Variants in DOCK11 observed in about 807,000 individuals in gnomAD.
DOCK11 encodes dedicator of cytokinesis protein 11.
A neutral mutation model predicts 169.1 loss-of-function variants in DOCK11; 70 were observed. The ratio of observed to expected loss-of-function variants is 0.41; its 90% CI spans 0.34 to 0.51. The LOEUF (loss-of-function observed/expected upper bound fraction) is 0.51, where lower values mean the gene tolerates loss of function less well. Among genes scored for constraint, DOCK11 ranks in the 20% least tolerant of loss-of-function variants. The pLI is 0.10. For missense variants in DOCK11, 1,166 were observed against 1,538.8 expected (o/e 0.76, Z 4.05); for synonymous variants, 529 against 541.3 (o/e 0.98, Z 0.32).
At chrX:118,570,621 T>C (rs770820645) in intron 10 of DOCK11, among the ~76,000 whole-genome samples, 4 of 112,408 alleles carry the variant, frequency 3.6e-5, no homozygotes, top group Non-Finnish European at 7.5e-5. Flanking sequence ...TATCCAGTAT[T>C]CTTCAGGCAT....
chrX:118,597,793 TAAA>T (rs1198293513), intron 21 of DOCK11, among the ~76,000 whole-genome samples: 1 of 111,750 alleles, frequency 8.9e-6, no homozygotes, highest in Non-Finnish European at 1.9e-5. Context: ...TGCATAATTT[TAAA>T]AAATTATTTA....
intron 6 of DOCK11, among the ~76,000 whole-genome samples, chrX:118,558,063 C>T: frequency 9.7e-6 from 1 of 103,418 alleles, no homozygotes; most frequent in Non-Finnish European, 2.0e-5. Context: ...CAGCCTCCGC[C>T]TCCCGGGTAC....
intron 6 of DOCK11, 43 bp from the exon 7 acceptor site, chrX:118,561,340 G>A: frequency 1.8e-6 from 2 of 1,114,117 alleles, no homozygotes; most frequent in Non-Finnish European, 2.4e-6. Flanking sequence ...CAAATGCAAT[G>A]TATATGTAAC....
intron 1 of DOCK11, among the ~76,000 whole-genome samples, chrX:118,504,624 G>A (rs1044449872): frequency 8.9e-6 from 1 of 112,149 alleles, no homozygotes; most frequent in Admixed American, 9.4e-5. Flanking sequence ...GGTACAGCTC[G>A]AGCCATTTCT....
At chrX:118,639,133 A>G (rs1032370377) in intron 37 of DOCK11, among the ~76,000 whole-genome samples, 3 of 110,955 alleles carry the variant, frequency 2.7e-5, no homozygotes, top group African/African-American at 6.6e-5. Context: ...TCTTCTTCCC[A>G]CTCTTGCCCT....
At chrX:118,624,287 A>G (rs889315130) in intron 31 of DOCK11, among the ~76,000 whole-genome samples, 18 of 112,567 alleles carry the variant, frequency 1.6e-4, no homozygotes, top group African/African-American at 3.9e-4. Flanking sequence ...ATTTTTTACA[A>G]AAACCTTTTA....
At chrX:118,556,759 G>GAAA (rs58350422) in intron 6 of DOCK11, among the ~76,000 whole-genome samples, 1 of 81,009 alleles carries the variant, frequency 1.2e-5, no homozygotes, top group African/African-American at 4.6e-5. Flanking sequence ...TCTGTCTCCG[G>GAAA]AAAAAAAAAA....
intron 6 of DOCK11, among the ~76,000 whole-genome samples, chrX:118,554,088 C>T (rs1783982241): frequency 9.0e-6 from 1 of 111,691 alleles, no homozygotes; most frequent in Admixed American, 9.5e-5. Flanking sequence ...TTGCAGCCTC[C>T]AACACCTGGG....
chrX:118,552,395 C>T (rs935328053), intron 6 of DOCK11, among the ~76,000 whole-genome samples: 1 of 111,535 alleles, frequency 9.0e-6, no homozygotes, highest in Non-Finnish European at 1.9e-5. Flanking sequence ...AAAAGAGGGG[C>T]TAGTAGAGGA....
At chrX:118,613,764 G>A (rs1279889329) in intron 28 of DOCK11, among the ~76,000 whole-genome samples, 7 of 112,304 alleles carry the variant, frequency 6.2e-5, no homozygotes, top group Non-Finnish European at 1.1e-4. Context: ...TAAGGCTGTA[G>A]TGCGCTATGA....
intron 46 of DOCK11, among the ~76,000 whole-genome samples, chrX:118,672,566 G>C (rs1189182387): frequency 8.9e-6 from 1 of 112,565 alleles, no homozygotes; most frequent in Non-Finnish European, 1.9e-5. Context: ...CTGAGTAGCT[G>C]GGATTACAGG....
At chrX:118,572,610 T>C (rs1176894769) in intron 11 of DOCK11, 147 bp downstream of exon 11, 1 of 401,904 alleles carries the variant, frequency 2.5e-6, no homozygotes, top group Non-Finnish European at 3.9e-6. Flanking sequence ...AAAATGAAAG[T>C]TTTATATATA....
At chrX:118,526,191 G>A (rs996432944) in intron 1 of DOCK11, among the ~76,000 whole-genome samples, 1 of 112,005 alleles carries the variant, frequency 8.9e-6, no homozygotes, top group Admixed American at 9.5e-5. Context: ...AGCTCCAGTC[G>A]TATGAAAGAT....
intron 14 of DOCK11, among the ~76,000 whole-genome samples, chrX:118,582,919 C>T (rs2013697015): frequency 8.9e-6 from 1 of 111,826 alleles, no homozygotes; most frequent in Non-Finnish European, 1.9e-5. Context: ...CCCAGCAGTC[C>T]CATTACTGGG....
intron 1 of DOCK11, among the ~76,000 whole-genome samples, chrX:118,507,057 T>C (rs1056442204): frequency 1.3e-4 from 15 of 112,753 alleles, no homozygotes; most frequent in African/African-American, 4.8e-4. Flanking sequence ...AATTTGCTAT[T>C]AATGATTTCC....
At chrX:118,590,536 A>C (rs1367749944) in intron 19 of DOCK11, among the ~76,000 whole-genome samples, 1 of 111,716 alleles carries the variant, frequency 9.0e-6, no homozygotes, top group Admixed American at 9.5e-5. Flanking sequence ...CAATGCAGGA[A>C]ACAAACATGA....
intron 1 of DOCK11, 88 bp downstream of exon 1, chrX:118,496,161 G>T: frequency 1.6e-6 from 1 of 622,474 alleles, no homozygotes; most frequent in Non-Finnish European, 2.1e-6. Flanking sequence ...CAGTGCGGCC[G>T]CTTGGTGCGC....
intron 11 of DOCK11, 65 bp from the exon 12 acceptor site, chrX:118,573,741 G>T: frequency 1.1e-6 from 1 of 940,007 alleles, no homozygotes; most frequent in Non-Finnish European, 1.5e-6. Context: ...TTTTGCACTT[G>T]TGCCCCTCCC....
At chrX:118,509,077 C>A (rs1476205787) in intron 1 of DOCK11, among the ~76,000 whole-genome samples, 4 of 111,657 alleles carry the variant, frequency 3.6e-5, no homozygotes, top group Non-Finnish European at 5.7e-5. Flanking sequence ...TTGTCTCACT[C>A]ACTGTATCTC....
Sources: allele counts gnomAD v4.1 joint callset (sites outside exome capture counted in the v4.1 genomes callset), GRCh38; gene constraint gnomAD v4.1.1; transcripts MANE v1.5; gene names NCBI Gene and HGNC (gene_info 2026-07-23, HGNC 2026-07-21).